The following STAG1 variants were observed in gnomAD, a reference collection of about 807,000 sequenced individuals.
The protein encoded by STAG1 is STAG1 cohesin complex component.
A neutral mutation model predicts 170.9 loss-of-function variants in STAG1; 26 were observed. The ratio of observed to expected loss-of-function variants is 0.15; its 90% confidence interval spans 0.11 to 0.21. The LOEUF is 0.21. Ranked by LOEUF, STAG1 falls within the 10% of genes least tolerant of loss-of-function variation. The pLI is 1.00. For missense variants in STAG1, 964 were observed against 1,509.5 expected (o/e 0.64, Z 5.99); for synonymous variants, 514 against 497.7 (o/e 1.03, Z -0.44).
At chr3:136,509,631 A>T (rs1372503850) in intron 7 of STAG1, among the ~76,000 whole-genome samples, 6 of 152,194 alleles carry the variant, frequency 3.9e-5, no homozygotes, top group Non-Finnish European at 7.3e-5. Flanking sequence ...GAAGAACATT[A>T]AAAACATAGT....
At chr3:136,477,436 T>A in intron 9 of STAG1, 24 bp from the exon 10 acceptor site, 1 of 1,581,230 alleles carries the variant, frequency 6.3e-7, no homozygotes, top group Non-Finnish European at 8.6e-7. Context: ...AAAAAGACAA[T>A]CTCAAATTAA....
intron 27 of STAG1, among the ~76,000 whole-genome samples, chr3:136,358,227 C>T (rs149205877): frequency 4.6e-5 from 7 of 151,744 alleles, no homozygotes; most frequent in Non-Finnish European, 5.9e-5. Flanking sequence ...TGGGACTACA[C>T]GTGTGTGCCA....
chr3:136,397,861 A>T (rs1279974957), intron 22 of STAG1, among the ~76,000 whole-genome samples: 1 of 152,116 alleles, frequency 6.6e-6, no homozygotes, highest in East Asian at 1.9e-4. Flanking sequence ...AAAAAAAAAA[A>T]ATTTACCCAA....
intron 9 of STAG1, among the ~76,000 whole-genome samples, chr3:136,498,233 T>TATATATATATATATATATATACACACAC: frequency 4.7e-4 from 27 of 57,480 alleles, no homozygotes; most frequent in Non-Finnish European, 6.4e-4. Flanking sequence ...TATATATATA[T>TATATATATATATATATATATACACACAC]ACACATACAT....
At chr3:136,467,154 A>G (rs1427440158) in intron 12 of STAG1, among the ~76,000 whole-genome samples, 1 of 152,196 alleles carries the variant, frequency 6.6e-6, no homozygotes, top group Non-Finnish European at 1.5e-5. Context: ...ATTCAAACAT[A>G]ACAATATTAA....
intron 1 of STAG1, among the ~76,000 whole-genome samples, chr3:136,710,457 T>C (rs1168611138): frequency 1.3e-5 from 2 of 152,174 alleles, no homozygotes; most frequent in Non-Finnish European, 2.9e-5. Flanking sequence ...AATAAGCATT[T>C]TTCTGTCTCT....
chr3:136,551,186 AGAGAGAGAGGTT>A (rs1936365027), intron 5 of STAG1, among the ~76,000 whole-genome samples: 2 of 132,020 alleles, frequency 1.5e-5, no homozygotes, highest in African/African-American at 6.0e-5. Context: ...TTTTTGAGAG[AGAGAGAGAGGTT>A]GAGAGAGAGT....
At chr3:136,531,348 G>A (rs1935356494) in intron 6 of STAG1, among the ~76,000 whole-genome samples, 1 of 150,968 alleles carries the variant, frequency 6.6e-6, no homozygotes, top group African/African-American at 2.4e-5. Context: ...GGAAGTCAGT[G>A]TGGCGATTCC....
chr3:136,371,334 T>G (rs1427771794), intron 23 of STAG1, among the ~76,000 whole-genome samples: 10 of 152,178 alleles, frequency 6.6e-5, no homozygotes, highest in East Asian at 3.9e-4. Flanking sequence ...TAGTTTCTTT[T>G]GCTGTGCAGA....
At chr3:136,547,504 C>T (rs1484101144) in intron 5 of STAG1, among the ~76,000 whole-genome samples, 3 of 152,172 alleles carry the variant, frequency 2.0e-5, no homozygotes, top group Admixed American at 2.0e-4. Context: ...GCTTCCCCCT[C>T]CCCCTGGCAA....
At chr3:136,622,746 TC>T (rs1225569370) in intron 3 of STAG1, among the ~76,000 whole-genome samples, 10 of 152,162 alleles carry the variant, frequency 6.6e-5, no homozygotes, top group Admixed American at 2.0e-4. Context: ...TATCTAGAGC[TC>T]TTCTAAACTT....
At chr3:136,751,795 C>T (rs1029098167) in intron 1 of STAG1, among the ~76,000 whole-genome samples, 2 of 137,600 alleles carry the variant, frequency 1.5e-5, no homozygotes, top group Non-Finnish European at 3.1e-5. Flanking sequence ...CGGGCGACTC[C>T]CGAGAGCCCG....
intron 1 of STAG1, among the ~76,000 whole-genome samples, chr3:136,699,110 G>T (rs1478703146): frequency 6.6e-6 from 1 of 152,052 alleles, no homozygotes; most frequent in Non-Finnish European, 1.5e-5. Flanking sequence ...CCTACATATT[G>T]GGCACAGTGT....
At chr3:136,531,176 C>T (rs1222048585) in intron 6 of STAG1, among the ~76,000 whole-genome samples, 1 of 151,288 alleles carries the variant, frequency 6.6e-6, no homozygotes, top group Non-Finnish European at 1.5e-5. Context: ...TCATCACTGG[C>T]CATCAGAGAA....
intron 14 of STAG1, among the ~76,000 whole-genome samples, chr3:136,451,300 A>T (rs901737814): frequency 2.4e-4 from 37 of 152,200 alleles, no homozygotes; most frequent in Admixed American, 5.9e-4. Context: ...AAATATTGCT[A>T]TGAGGCTCGT....
At chr3:136,698,566 C>T (rs1942963896) in intron 1 of STAG1, among the ~76,000 whole-genome samples, 1 of 152,154 alleles carries the variant, frequency 6.6e-6, no homozygotes, top group Admixed American at 6.6e-5. Flanking sequence ...CTACTACAAC[C>T]ACTACGGAAA....
chr3:136,613,329 A>AAAAAG (rs1939406378), intron 3 of STAG1, among the ~76,000 whole-genome samples: 3 of 150,820 alleles, frequency 2.0e-5, no homozygotes, highest in Non-Finnish European at 4.4e-5. Flanking sequence ...AAAAAAAAAA[A>AAAAAG]AAAAAAGAAA....
chr3:136,413,267 CATATCGTATACAATAT>C (rs1054724565), intron 21 of STAG1, among the ~76,000 whole-genome samples: 10 of 147,662 alleles, frequency 6.8e-5, no homozygotes, highest in East Asian at 5.9e-4. Context: ...TCGTATATTA[CATATCGTATACAATAT>C]ATATCGTATA....
chr3:136,341,352 A>T, intron 31 of STAG1, 89 bp downstream of exon 31: 1 of 856,278 alleles, frequency 1.2e-6, no homozygotes, highest in East Asian at 2.4e-5. Flanking sequence ...AACTCCTAAG[A>T]CCAAACATCA....
Sources: allele counts gnomAD v4.1 joint callset (sites outside exome capture counted in the v4.1 genomes callset), GRCh38; gene constraint gnomAD v4.1.1; transcripts MANE v1.5; gene names NCBI Gene and HGNC (gene_info 2026-07-23, HGNC 2026-07-21).